GNE: variants seen among roughly 807,000 people sequenced by gnomAD.
The protein encoded by GNE is bifunctional UDP-N-acetylglucosamine 2-epimerase/N-acetylmannosamine kinase.
Under a neutral mutation model 61.8 loss-of-function variants are expected in GNE, and 41 were observed. That is an observed-to-expected ratio of 0.66 (90% confidence interval 0.52 to 0.86). The LOEUF (loss-of-function observed/expected upper bound fraction) is 0.86. GNE is among the 40% of genes least tolerant of loss of function. The probability of loss-of-function intolerance (pLI) is 0.00; values close to 1 mark genes in which losing one functional copy is unlikely to be tolerated. For synonymous variants in GNE, 264 were observed against 326.4 expected (o/e 0.81, Z 2.06); for missense variants, 608 against 909.1 (o/e 0.67, Z 4.26).
chr9:36,218,214 G>A lies in GNE; in HGVS notation c.1902C>T (p.Gly634=). ...TTAGGATGCTCTGGGCCTTCGCATT[G>A]CCAAGTTTCGCAGCTTGGATGAGAT... ...ALHLIQAAKL[G]NAKAQSILRT... Residue 634 remains glycine (G), a synonymous_variant, in exon 11 of 12, where the codon GGC becomes GGT. Coordinates refer to ENST00000642385, the MANE Select transcript of GNE (RefSeq NM_005476.7). The surrounding 1 kb of genome is among the most constrained non-coding windows in gnomAD (Gnocchi z 4.1). The A allele has an allele frequency of 6.2e-7, 1 of 1,613,622 alleles. No homozygotes were observed. The highest frequency in any genetic ancestry group is 8.5e-7 in the Non-Finnish European group (1 of 1,179,596).
chr9:36,249,592 T>A (rs1185709010), intron 1 of GNE, among the ~76,000 whole-genome samples, 195 bp from the exon 2 acceptor site: 1 of 151,974 alleles, frequency 6.6e-6, no homozygotes, highest in African/African-American at 2.4e-5. Flanking sequence ...GTTAAGAAAC[T>A]CCAAGGCTGG....
At chr9:36,265,289 C>G (rs1338765045) in intron 1 of GNE, 3 of 426,182 alleles carry the variant, frequency 7.0e-6, no homozygotes, top group South Asian at 3.4e-5. Flanking sequence ...CCTTGGAATC[C>G]GTGGGGCCAA....
intron 1 of GNE, among the ~76,000 whole-genome samples, chr9:36,270,978 A>G (rs968658683): frequency 2.0e-5 from 3 of 152,152 alleles, no homozygotes; most frequent in African/African-American, 7.2e-5. Flanking sequence ...CCTTTCATCT[A>G]TCTTGCACAT....
upstream of GNE, among the ~76,000 whole-genome samples, chr9:36,259,051 G>C (rs560764808): frequency 6.6e-6 from 1 of 152,312 alleles, no homozygotes; most frequent in East Asian, 1.9e-4. Context: ...GTGGTAAAGG[G>C]CTTGCGCAGC....
chr9:36,223,228 TC>T, intron 8 of GNE, 144 bp downstream of exon 8: 1 of 842,488 alleles, frequency 1.2e-6, no homozygotes. Flanking sequence ...TCCCAGGAAG[TC>T]CCCATGCTTG....
At chr9:36,264,874 G>C (rs1324577279) in intron 1 of GNE, 1 of 156,554 alleles carries the variant, frequency 6.4e-6, no homozygotes, top group Non-Finnish European at 1.4e-5. Flanking sequence ...ATTCCAGCCG[G>C]CAACGGCTAC....
In GNE at chr9:36,218,158, C is replaced by T; in HGVS notation, c.1933+25G>A. 1 of 1,501,830 alleles carries T rather than the reference C, an allele frequency of 6.7e-7. No homozygotes were observed. Among genetic ancestry groups the T allele is most frequent in the Admixed American group, 1.7e-5 (1 of 59,890 alleles). 93.0% of individuals were successfully genotyped at this position (1,501,830 alleles called of 1,614,324 possible). On this transcript the variant is annotated intron_variant, in intron 11 of 11. Transcript: ENST00000642385. The surrounding 1 kb of genome is among the most constrained non-coding windows in gnomAD (Gnocchi z 4.1). ...ATATCTGAGGCCACCCCCTGCAGCA[C>T]AGCCACCTGCAGCCACATGCTCACC...
In GNE at chr9:36,216,174, T is replaced by C; in HGVS notation, c.*1191A>G. ...TTGATTGTGGTGATGCTTTCACAGG[T>C]ATACATATGTCAAGGCTTATCAAAT... On this transcript the variant is annotated 3_prime_UTR_variant, in exon 12 of 12. Transcript: ENST00000642385. The C allele has an allele frequency of 2.4e-6, 1 of 413,360 alleles. No homozygotes were observed. Among genetic ancestry groups the C allele is most frequent in the Non-Finnish European group, 5.0e-6 (1 of 200,056 alleles). The allele number at this position is 413,360 out of a possible 1,614,324, so 25.6% of individuals were successfully genotyped here.
At chr9:36,225,080 T>C (rs1018649119) in intron 7 of GNE, among the ~76,000 whole-genome samples, 3 of 152,250 alleles carry the variant, frequency 2.0e-5, no homozygotes, top group Non-Finnish European at 2.9e-5. Flanking sequence ...TATGTTGATC[T>C]TATAAATCAA....
chr9:36,276,938 T>C lies in GNE; in HGVS notation c.7A>G (p.Thr3Ala), dbSNP rs755693521. ...GACTCCCTCTGCAGATAACCATAGG[T>C]TTCCATCCCGAAGCACGAGCTCTGT... The change falls in exon 1 of 12, where the codon ACC (threonine) becomes GCC (alanine). Residue 3 changes from threonine (T) to alanine (A), a missense_variant. Physicochemically the swap from Thr to Ala is moderately conservative, Grantham distance 58. Coordinates refer to the GNE transcript ENST00000396594. The C allele has an allele frequency of 6.2e-7, 1 of 1,613,242 alleles. No homozygotes were observed. Among genetic ancestry groups the C allele is most frequent in the Non-Finnish European group, 8.5e-7 (1 of 1,179,448 alleles).
At chr9:36,260,222 A>G (rs2133172092), upstream of GNE, among the ~76,000 whole-genome samples, 1 of 151,128 alleles carries the variant, frequency 6.6e-6, no homozygotes, top group East Asian at 2.0e-4. Context: ...TCCAGGCAAC[A>G]GTGAGCTCGA....
intron 1 of GNE, among the ~76,000 whole-genome samples, chr9:36,276,005 T>C (rs541075988): frequency 2.0e-5 from 3 of 152,290 alleles, no homozygotes. Context: ...AGACCTTGTC[T>C]CTACAAAAAA....
At chr9:36,238,989 T>C (rs116669577) in intron 3 of GNE, among the ~76,000 whole-genome samples, 4,207 of 152,250 alleles carry the variant, frequency 0.028, 193 homozygotes, top group African/African-American at 0.092. Flanking sequence ...GAAAAAGGTG[T>C]CCATTCCCCA....
In GNE at chr9:36,219,883, C is replaced by T. The variant is rs752286512; in HGVS notation, c.1771G>A (p.Ala591Thr). The change falls in exon 10 of 12, where the codon GCC (alanine) becomes ACC (threonine). Residue 591 changes from alanine (A) to threonine (T), a missense_variant. Physicochemically the swap from Ala to Thr is moderately conservative, Grantham distance 58. Coordinates refer to ENST00000642385, the MANE Select transcript of GNE (RefSeq NM_005476.7). ...TCCCTCTGCAAGGCCATTCCAGAGG[C>T]GTATGCTTCAATGCACCCATGGCTT... ...CGSHGCIEAYASGMALQREAK... is the reference protein window; with the variant it reads ...CGSHGCIEAYTSGMALQREAK... 3.7e-6 allele frequency: 6 copies of T among 1,614,144 alleles called. No homozygotes were observed. Among genetic ancestry groups the T allele is most frequent in the South Asian group, 2.2e-5 (2 of 91,090 alleles).
chr9:36,243,067 C>T (rs1181885970), intron 3 of GNE, among the ~76,000 whole-genome samples: 1 of 151,734 alleles, frequency 6.6e-6, no homozygotes, highest in Non-Finnish European at 1.5e-5. Flanking sequence ...TTTTTTGAGA[C>T]AGGGTCTTAT....
intron 2 of GNE, among the ~76,000 whole-genome samples, chr9:36,247,894 C>T (rs1029780836): frequency 5.3e-5 from 8 of 151,744 alleles, no homozygotes; most frequent in African/African-American, 9.7e-5. Context: ...GGCATGGTGG[C>T]GCATGCCTGT....
At chr9:36,264,424 C>T (rs965126293) in intron 1 of GNE, among the ~76,000 whole-genome samples, 1 of 152,118 alleles carries the variant, frequency 6.6e-6, no homozygotes, top group African/African-American at 2.4e-5. Flanking sequence ...CATGAGCCAC[C>T]GTGCCTGGCC....
intron 2 of GNE, among the ~76,000 whole-genome samples, chr9:36,247,635 C>G (rs1197417449): frequency 6.6e-6 from 1 of 152,064 alleles, no homozygotes; most frequent in African/African-American, 2.4e-5. Context: ...TTTCTCAGAG[C>G]AGTAAAAGAA....
At chr9:36,233,816 C>G (rs751149921) in intron 5 of GNE, 104 bp downstream of exon 5, 1 of 899,716 alleles carries the variant, frequency 1.1e-6, no homozygotes, top group African/African-American at 1.6e-5. Context: ...CTCATTCACT[C>G]ACTTGTTCAC....
Sources: gnomAD v4.1 joint callset for allele counts (sites outside exome capture counted in the v4.1 genomes callset) on GRCh38, gnomAD v4.1.1 for gene constraint, Gnocchi (gnomAD v3.1) non-coding constraint, MANE v1.5 for transcripts, NCBI Gene and HGNC (gene_info 2026-07-23, HGNC 2026-07-21) for gene names.